Variants in DNAH12 observed in about 807,000 individuals in gnomAD.
DNAH12 encodes dynein axonemal heavy chain 12, also known as axonemal beta dynein heavy chain 12.
A neutral mutation model predicts 371.5 loss-of-function variants in DNAH12; 285 were observed. The observed-to-expected ratio is 0.77, with a 90% CI of 0.70 to 0.85. The LOEUF is 0.85. Ranked by LOEUF, DNAH12 falls within the 40% of genes least tolerant of loss-of-function variation. DNAH12 has a pLI of 0.00. For missense variants in DNAH12, 3,611 were observed against 3,689.4 expected, an observed-to-expected ratio of 0.98 and a Z score of 0.55; for synonymous variants, 1,200 against 1,213.0, an observed-to-expected ratio of 0.99 and a Z score of 0.22.
At chr3:57,354,070 G>T (rs2062742104) in intron 59 of DNAH12, among the ~76,000 whole-genome samples, 2 of 152,232 alleles carry the variant, frequency 1.3e-5, no homozygotes, top group Non-Finnish European at 2.9e-5. Context: ...ACACGTATGC[G>T]TATGTTCATC....
chr3:57,318,256 T>A (rs2061729032), intron 65 of DNAH12, among the ~76,000 whole-genome samples: 1 of 152,116 alleles, frequency 6.6e-6, no homozygotes, highest in Non-Finnish European at 1.5e-5. Context: ...GAAGCTTTCC[T>A]TCTAAGTGTT....
intron 50 of DNAH12, among the ~76,000 whole-genome samples, chr3:57,381,333 C>CAA (rs1435422692): frequency 1.0e-4 from 14 of 139,862 alleles, no homozygotes; most frequent in East Asian, 8.1e-4. Context: ...ACAGAATGGC[C>CAA]AAAAAAAAAA....
At chr3:57,349,356 T>TTACAC (rs1244965161) in intron 60 of DNAH12, among the ~76,000 whole-genome samples, 1 of 152,182 alleles carries the variant, frequency 6.6e-6, no homozygotes, top group East Asian at 1.9e-4. Flanking sequence ...GGGTACACTT[T>TTACAC]TACACTGTTG....
At chr3:57,307,362 C>T (rs2061494237) in intron 69 of DNAH12, among the ~76,000 whole-genome samples, 1 of 152,172 alleles carries the variant, frequency 6.6e-6, no homozygotes, top group South Asian at 2.1e-4. Flanking sequence ...ACTGCCCCCA[C>T]CCTAGCTCTC....
intron 36 of DNAH12, 82 bp from the exon 37 acceptor site, chr3:57,419,600 A>C (rs1013059304): frequency 9.6e-7 from 1 of 1,043,504 alleles, no homozygotes; most frequent in African/African-American, 1.7e-5. Flanking sequence ...GTATACTATT[A>C]TATTAGCTTT....
chr3:57,381,042 C>G (rs898688336), intron 50 of DNAH12, among the ~76,000 whole-genome samples: 2 of 151,928 alleles, frequency 1.3e-5, no homozygotes, highest in Admixed American at 6.6e-5. Context: ...AGAAAAGTAG[C>G]AAACTTTTTC....
chr3:57,362,912 C>T (rs1049180394), intron 58 of DNAH12, among the ~76,000 whole-genome samples: 1 of 152,128 alleles, frequency 6.6e-6, no homozygotes, highest in African/African-American at 2.4e-5. Flanking sequence ...GTTGCCGTTG[C>T]TTTTGGTGTT....
chr3:57,350,602 T>C (rs2062649821), intron 60 of DNAH12, among the ~76,000 whole-genome samples: 1 of 152,184 alleles, frequency 6.6e-6, no homozygotes, highest in African/African-American at 2.4e-5. Flanking sequence ...AATACCTTCA[T>C]AATATTGGGC....
Position 57,446,371 on chromosome 3 carries a change from T to A in DNAH12, c.3940-101A>T, listed in dbSNP as rs564257633. On this transcript the variant is annotated intron_variant, in intron 26 of 73. Coordinates refer to ENST00000495027, the MANE Select transcript of DNAH12 (RefSeq NM_001366028.2). ...TTAAGTCAGAATTGAAAGTTAAATT[T>A]AGTAAAAGTTCCAAGGATAAAAACA... 3.7e-5 allele frequency: 54 copies of A among 1,441,612 alleles called. 1 individual carries two copies. In the South Asian group the frequency reaches 7.6e-4, roughly 20 times the overall value. The allele number at this position is 1,441,612 out of a possible 1,614,324, so 89.3% of individuals were successfully genotyped here. A position where few individuals can be genotyped will look rare whatever the true frequency, so the allele number is the denominator to read the frequency against.
intron 2 of DNAH12, among the ~76,000 whole-genome samples, chr3:57,533,769 C>T (rs570530392): frequency 8.7e-4 from 132 of 152,234 alleles, no homozygotes; most frequent in African/African-American, 3.0e-3. Context: ...TCTCTTCATG[C>T]GGAAGGAAGG....
chr3:57,451,649 AAAAC>A (rs1304825756), intron 25 of DNAH12, among the ~76,000 whole-genome samples: 2 of 152,174 alleles, frequency 1.3e-5, no homozygotes, highest in African/African-American at 4.8e-5. Context: ...AGAACAAAAC[AAAAC>A]AAACAAAAAA....
intron 4 of DNAH12, among the ~76,000 whole-genome samples, chr3:57,512,893 C>T (rs1355391236): frequency 6.6e-6 from 1 of 152,060 alleles, no homozygotes; most frequent in Non-Finnish European, 1.5e-5. Context: ...AATCCCAACA[C>T]TTTGGGAGGC....
rs1323472288 is a variant in DNAH12, at chr3:57,384,505, CT to C, written c.7860+323del. 3.1e-4 allele frequency among the ~76,000 whole-genome samples: 47 copies of C among 151,826 alleles called. 1 individual carries two copies. The East Asian group carries it at 8.9e-3, about 29-fold the overall frequency. ...AAATGTTTAAAAAGATTAGCCAGGC[CT>C]AGTGGTGTGTGTCTGTGATCCTAGT... On this transcript the variant is annotated intron_variant, in intron 49 of 73. Transcript: ENST00000495027.
At position 57,491,099 on chromosome 3, in the gene DNAH12, A is replaced by AAACAAC. The variant is rs1553708753; in HGVS notation, c.1336-1418_1336-1413dup. On this transcript the variant is annotated intron_variant, in intron 11 of 73. Transcript: ENST00000495027. ...TCTATCTCAAAAAAAAAAAAAAAAA[A>AAACAAC]AACAACAAATAAAGGGTAGACAGAA... Among the ~76,000 whole-genome samples the AAACAAC allele has an allele frequency of 7.4e-4, 83 of 112,800 alleles. 1 individual carries two copies. Among genetic ancestry groups the AAACAAC allele is most frequent in the African/African-American group, 2.4e-3 (68 of 28,696 alleles). The allele number at this position is 112,800 out of a possible 152,430, so 74.0% of individuals were successfully genotyped here. A position where few individuals can be genotyped will look rare whatever the true frequency, so the allele number is the denominator to read the frequency against.
Position 57,297,002 on chromosome 3 carries a change from A to C in DNAH12, c.11395-18T>G. On this transcript the variant is annotated intron_variant, in intron 70 of 73. Transcript: ENST00000495027. ...TACCAGTCCTACAAAGGGAAAACAA[A>C]ACACATTATGTCAGTTTTTAAAGTT... The C allele has an allele frequency of 6.4e-7, 1 of 1,550,620 alleles. No individual in the cohort carries two copies. The highest frequency in any genetic ancestry group is 8.7e-7 in the Non-Finnish European group (1 of 1,146,784).
chr3:57,418,684 T>A (rs374432616), intron 37 of DNAH12, among the ~76,000 whole-genome samples: 1 of 152,132 alleles, frequency 6.6e-6, no homozygotes, highest in Admixed American at 6.6e-5. Context: ...TTTTCCTGTT[T>A]TTTTGTTTTT....
intron 62 of DNAH12, among the ~76,000 whole-genome samples, chr3:57,332,958 C>T (rs1318867704): frequency 1.3e-5 from 2 of 152,240 alleles, no homozygotes; most frequent in Admixed American, 6.5e-5. Context: ...AAATCTTAAA[C>T]AATATTTGAA....
chr3:57,542,906 G>A lies in DNAH12; in HGVS notation c.-33-3C>T, dbSNP rs767430052. ...TAAAGATTAAAATACTCTGTACTCT[G>A]AGGAGAAAAAGTCCATAAAGCCATT... On this transcript the variant is annotated splice_region_variant and splice_polypyrimidine_tract_variant and intron_variant, in intron 1 of 73. Coordinates refer to ENST00000495027, the MANE Select transcript of DNAH12 (RefSeq NM_001366028.2). 6.7e-7 allele frequency: 1 copy of A among 1,502,748 alleles called. No individual in the cohort carries two copies. Among genetic ancestry groups the A allele is most frequent in the South Asian group, 1.4e-5 (1 of 69,758 alleles). The allele number at this position is 1,502,748 out of a possible 1,614,324, so 93.1% of individuals were successfully genotyped here. A position where few individuals can be genotyped will look rare whatever the true frequency, so the allele number is the denominator to read the frequency against.
At chr3:57,325,045 C>A (rs1197782701) in intron 62 of DNAH12, among the ~76,000 whole-genome samples, 1 of 152,218 alleles carries the variant, frequency 6.6e-6, no homozygotes, top group Non-Finnish European at 1.5e-5. Context: ...CCCAGGCTTG[C>A]TTAGGTAAAC....
Sources: allele counts gnomAD v4.1 joint callset (sites outside exome capture counted in the v4.1 genomes callset), GRCh38; gene constraint gnomAD v4.1.1; transcripts MANE v1.5; gene names NCBI Gene and HGNC (gene_info 2026-07-23, HGNC 2026-07-21).